Variants in SMURF1 observed in about 807,000 individuals in gnomAD.
SMURF1 encodes E3 ubiquitin-protein ligase SMURF1.
In SMURF1, 44 loss-of-function variants were observed where a neutral mutation model predicts 98.0. The observed-to-expected ratio is 0.45, with a 90% confidence interval of 0.35 to 0.58. The LOEUF (loss-of-function observed/expected upper bound fraction) is 0.58. Ranked by LOEUF, SMURF1 falls within the 20% of genes least tolerant of loss-of-function variation. SMURF1 has a pLI of 0.00. For missense variants in SMURF1, 687 were observed against 938.4 expected, an observed-to-expected ratio of 0.73 and a Z score of 3.50; for synonymous variants, 396 against 374.9, an observed-to-expected ratio of 1.06 and a Z score of -0.65.
intron 1 of SMURF1, among the ~76,000 whole-genome samples, chr7:99,081,692 A>G (rs910105277): frequency 6.6e-6 from 1 of 152,170 alleles, no homozygotes; most frequent in Non-Finnish European, 1.5e-5. Flanking sequence ...TTGCTCTGTC[A>G]CCCAGGCTGG....
intron 6 of SMURF1, 122 bp from the exon 7 acceptor site, chr7:99,052,568 T>C: frequency 1.8e-6 from 2 of 1,095,792 alleles, no homozygotes; most frequent in Non-Finnish European, 1.2e-6. Context: ...TTTAACAACG[T>C]CCAGTGTTCC....
rs532358545 is a variant in SMURF1, at chr7:99,139,860, A to T, written c.55+3866T>A. 3.9e-5 allele frequency among the ~76,000 whole-genome samples: 6 copies of T among 152,338 alleles called. No individual in the cohort carries two copies. The South Asian group carries it at 1.0e-3, about 26-fold the overall frequency. Reference sequence around the variant, plus strand: ...CCAGGTTGCCAAAGCAGTTCAACATATTACCCAACAGTTTTCAAAAACAAT... The same window carrying T: ...CCAGGTTGCCAAAGCAGTTCAACATTTTACCCAACAGTTTTCAAAAACAAT... On this transcript the variant is annotated intron_variant, in intron 1 of 17. Coordinates refer to ENST00000361368, the MANE Select transcript of SMURF1 (RefSeq NM_181349.3).
At chr7:99,099,528 C>A (rs549706515) in intron 1 of SMURF1, among the ~76,000 whole-genome samples, 1 of 152,214 alleles carries the variant, frequency 6.6e-6, no homozygotes, top group East Asian at 1.9e-4. Context: ...ATCATGTACA[C>A]GCTGGCAAGA....
chr7:99,077,795 A>C (rs1476224608), intron 1 of SMURF1, among the ~76,000 whole-genome samples: 1 of 152,238 alleles, frequency 6.6e-6, no homozygotes, highest in Non-Finnish European at 1.5e-5. Context: ...TATGTTACAG[A>C]AGACAGGGAC....
At chr7:99,036,990 C>A in intron 15 of SMURF1, 77 bp downstream of exon 15, 1 of 1,605,966 alleles carries the variant, frequency 6.2e-7, no homozygotes, top group Admixed American at 1.7e-5. Flanking sequence ...CACACTGCCC[C>A]CTGCAGCAAG....
intron 13 of SMURF1, among the ~76,000 whole-genome samples, chr7:99,039,111 T>C (rs1265841652): frequency 6.8e-6 from 1 of 147,534 alleles, no homozygotes; most frequent in Admixed American, 7.0e-5. Context: ...GAGAATTGCT[T>C]GAACCTGGGA....
At position 99,087,649 on chromosome 7, in the gene SMURF1, A is replaced by G. The variant is rs567745414; in HGVS notation, c.56-25812T>C. 2.6e-5 allele frequency among the ~76,000 whole-genome samples: 4 copies of G among 152,350 alleles called. No homozygotes were observed. In the East Asian group the frequency reaches 7.7e-4, roughly 29 times the overall value. ...AGATAGACAAAAATGCATCAGCAAG[A>G]AAAGCAACGATAGTGCAAGGCTGAT... On this transcript the variant is annotated intron_variant, in intron 1 of 17. Transcript: ENST00000361368.
At chr7:99,092,590 C>T (rs565138003) in intron 1 of SMURF1, among the ~76,000 whole-genome samples, 2 of 152,226 alleles carry the variant, frequency 1.3e-5, no homozygotes, top group Admixed American at 6.5e-5. Flanking sequence ...CTATTTAGTG[C>T]CATGTTTTTC....
chr7:99,048,803 T>C (rs1795664562), intron 9 of SMURF1: 1 of 152,128 alleles, frequency 6.6e-6, no homozygotes, highest in Admixed American at 6.5e-5. Context: ...AAAAGAGCTA[T>C]GTCGGGGGCA....
intron 1 of SMURF1, among the ~76,000 whole-genome samples, chr7:99,086,449 T>C (rs1289027615): frequency 1.3e-5 from 2 of 150,780 alleles, no homozygotes. Flanking sequence ...GGAACACTCC[T>C]ACATTGATGG....
At position 99,035,724 on chromosome 7, in the gene SMURF1, G is replaced by A. The variant is rs376457455; in HGVS notation, c.1810-8C>T. ...CAGGCCGCCTATGATCAGCTGAGGA[G>A]GTGCAGAAAGGTGAATTACTTCCAA... On this transcript the variant is annotated splice_polypyrimidine_tract_variant and splice_region_variant and intron_variant, in intron 15 of 17. Coordinates refer to ENST00000361368, the MANE Select transcript of SMURF1 (RefSeq NM_181349.3). The A allele has an allele frequency of 5.6e-4, 897 of 1,612,704 alleles. 3 individuals carry two copies. The highest frequency in any genetic ancestry group is 1.2e-3 in the South Asian group (110 of 90,868).
intron 1 of SMURF1, among the ~76,000 whole-genome samples, chr7:99,110,097 T>C (rs1369533137): frequency 6.6e-6 from 1 of 152,130 alleles, no homozygotes; most frequent in Non-Finnish European, 1.5e-5. Context: ...TGAAAAACTA[T>C]TATAAAGAAT....
At chr7:99,040,878 AGG>A in intron 12 of SMURF1, among the ~76,000 whole-genome samples, 1 of 152,290 alleles carries the variant, frequency 6.6e-6, no homozygotes, top group African/African-American at 2.4e-5. Context: ...AACCAAGCCC[AGG>A]GCCTTGACAC....
chr7:99,143,686 G>T, intron 1 of SMURF1, 40 bp downstream of exon 1: 1 of 1,523,682 alleles, frequency 6.6e-7, no homozygotes, highest in Non-Finnish European at 8.8e-7. Context: ...GGGCGGGCGA[G>T]GGGGCGCCGG....
chr7:99,035,835 T>C, intron 15 of SMURF1, 119 bp from the exon 16 acceptor site: 1 of 922,622 alleles, frequency 1.1e-6, no homozygotes, highest in Non-Finnish European at 1.7e-6. Flanking sequence ...GCAGCAGCTG[T>C]GTACTAGGCA....
At chr7:99,091,642 G>A (rs1401862244) in intron 1 of SMURF1, among the ~76,000 whole-genome samples, 1 of 152,102 alleles carries the variant, frequency 6.6e-6, no homozygotes, top group Non-Finnish European at 1.5e-5. Flanking sequence ...TTTCCAGATG[G>A]TTCCTAGCTA....
In SMURF1 at chr7:99,030,635, G is replaced by C. The variant is rs750339697; in HGVS notation, c.2145C>G (p.Tyr715Ter). 6.2e-7 allele frequency: 1 copy of C among 1,614,136 alleles called. No individual in the cohort carries two copies. Among genetic ancestry groups the C allele is most frequent in the Admixed American group, 1.7e-5 (1 of 60,020 alleles). The change falls in exon 18 of 18, where the codon TAC becomes TAG. Residue 715 changes from tyrosine (Y) to a stop codon, truncating the protein, a stop_gained. Coordinates refer to ENST00000361368, the MANE Select transcript of SMURF1 (RefSeq NM_181349.3). LOFTEE classifies it high-confidence loss of function. ...IPPYESYEKL[Y>*]EKLLTAVEET... Reference sequence around the variant, plus strand: ...CCTCCACGGCTGTCAGCAGCTTCTCGTAGAGCTTCTCATAGGACTCATATG... The same window carrying C: ...CCTCCACGGCTGTCAGCAGCTTCTCCTAGAGCTTCTCATAGGACTCATATG...
At chr7:99,116,537 A>C (rs1280159004) in intron 1 of SMURF1, among the ~76,000 whole-genome samples, 4 of 152,242 alleles carry the variant, frequency 2.6e-5, no homozygotes, top group Non-Finnish European at 4.4e-5. Flanking sequence ...CAAGATCAAC[A>C]TACTAAAATC....
Position 99,063,480 on chromosome 7 carries a change from G to C in SMURF1, c.56-1643C>G, listed in dbSNP as rs201287872. ...ACTAACTTCTTTTTTTAAAGAGACA[G>C]GCTCTCACTATGTTGCCCAGGCTGG... On this transcript the variant is annotated intron_variant, in intron 1 of 17. Coordinates refer to ENST00000361368, the MANE Select transcript of SMURF1 (RefSeq NM_181349.3). Among the ~76,000 whole-genome samples the C allele has an allele frequency of 6.0e-5, 9 of 150,084 alleles. No individual in the cohort carries two copies. In the East Asian group the frequency reaches 1.8e-3, roughly 30 times the overall value.
Sources: allele counts gnomAD v4.1 joint callset (sites outside exome capture counted in the v4.1 genomes callset), GRCh38; gene constraint gnomAD v4.1.1; transcripts MANE v1.5; gene names NCBI Gene and HGNC (gene_info 2026-07-23, HGNC 2026-07-21).